COL19A1: variants seen among roughly 807,000 people sequenced by gnomAD.
COL19A1 encodes collagen type XIX alpha 1 chain, also known as collagen alpha-1(XIX) chain.
COL19A1 carries 159 observed loss-of-function variants against 190.2 expected under a neutral mutation model. That is an observed-to-expected ratio of 0.84 (90% confidence interval 0.73 to 0.95). COL19A1 has a LOEUF of 0.95. Ranked by LOEUF, COL19A1 falls within the 40% of genes least tolerant of loss-of-function variation. COL19A1 has a pLI of 0.00. For synonymous variants in COL19A1, 509 were observed against 458.9 expected, an observed-to-expected ratio of 1.11 and a Z score of -1.39; for missense variants, 1,418 against 1,431.9, an observed-to-expected ratio of 0.99 and a Z score of 0.16.
Position 69,986,221 on chromosome 6 carries a change from T to TTATATATATATA in COL19A1, c.1026+23372_1026+23383dup, listed in dbSNP as rs57648174. 9.4e-5 allele frequency among the ~76,000 whole-genome samples: 13 copies of TTATATATATATA among 138,282 alleles called. No individual in the cohort carries two copies. In the South Asian group the frequency reaches 1.9e-3, roughly 20 times the overall value. 90.7% of individuals were successfully genotyped at this position (138,282 alleles called of 152,430 possible). A position where few individuals can be genotyped will look rare whatever the true frequency, so the allele number is the denominator to read the frequency against. On this transcript the variant is annotated intron_variant, in intron 11 of 50. Coordinates refer to ENST00000620364, the MANE Select transcript of COL19A1 (RefSeq NM_001858.6). ...TAAAATGTTAAATGACTTACACGTT[T>TTATATATATATA]TATATATATATATATATATATATAT... is the stretch of plus-strand genomic sequence containing the variant.
intron 1 of COL19A1, among the ~76,000 whole-genome samples, chr6:69,867,197 G>T (rs1196672864): frequency 3.3e-5 from 5 of 152,092 alleles, no homozygotes; most frequent in Non-Finnish European, 5.9e-5. Flanking sequence ...CTCCGGCCCG[G>T]GGTTACCTAC....
At chr6:70,033,134 T>G (rs1247491840) in intron 12 of COL19A1, among the ~76,000 whole-genome samples, 1 of 152,158 alleles carries the variant, frequency 6.6e-6, no homozygotes, top group Non-Finnish European at 1.5e-5. Context: ...TAGGTATTGT[T>G]TTCATCCATT....
chr6:70,078,188 G>A (rs1782008648), intron 15 of COL19A1, among the ~76,000 whole-genome samples: 1 of 152,154 alleles, frequency 6.6e-6, no homozygotes, highest in African/African-American at 2.4e-5. Flanking sequence ...ACTGAGTGAG[G>A]CAACTGCATT....
intron 46 of COL19A1, among the ~76,000 whole-genome samples, chr6:70,187,137 C>G (rs1490442190): frequency 6.6e-6 from 1 of 152,192 alleles, no homozygotes; most frequent in East Asian, 1.9e-4. Flanking sequence ...ACCTCGGCCT[C>G]CCAAAGTGCT....
At chr6:70,178,438 T>G (rs1765951292) in intron 42 of COL19A1, among the ~76,000 whole-genome samples, 1 of 152,042 alleles carries the variant, frequency 6.6e-6, no homozygotes, top group African/African-American at 2.4e-5. Context: ...GGTAAAAAAT[T>G]TACATACTAC....
intron 9 of COL19A1, among the ~76,000 whole-genome samples, chr6:69,951,152 T>A (rs990075888): frequency 1.8e-4 from 27 of 151,946 alleles, no homozygotes; most frequent in Non-Finnish European, 2.9e-5. Context: ...ATTACTTTAC[T>A]ATGCTAATAT....
chr6:70,007,549 G>C (rs77431225), intron 11 of COL19A1, among the ~76,000 whole-genome samples: 13,717 of 151,994 alleles, frequency 0.09, 730 homozygotes, highest in East Asian at 0.21. Flanking sequence ...TATTGTGTAT[G>C]TACCTAACAG....
chr6:69,890,910 A>T (rs573969915), intron 2 of COL19A1: 1 of 165,094 alleles, frequency 6.1e-6, no homozygotes, highest in South Asian at 1.6e-4. Flanking sequence ...ATTAAGGATA[A>T]GGATGAAGAC....
chr6:69,896,295 T>C (rs1158937117), intron 2 of COL19A1, among the ~76,000 whole-genome samples: 2 of 151,152 alleles, frequency 1.3e-5, no homozygotes, highest in Non-Finnish European at 2.9e-5. Flanking sequence ...CCCAGCACTT[T>C]GGGAGGCCGA....
At chr6:70,043,254 C>T (rs1461671077) in intron 14 of COL19A1, among the ~76,000 whole-genome samples, 14 of 150,602 alleles carry the variant, frequency 9.3e-5, no homozygotes, top group Admixed American at 3.3e-4. Context: ...TGAAGTGGCG[C>T]GATCTCGGCT....
intron 36 of COL19A1, among the ~76,000 whole-genome samples, chr6:70,164,920 A>C (rs934967754): frequency 2.6e-5 from 4 of 152,228 alleles, no homozygotes; most frequent in Non-Finnish European, 2.9e-5. Flanking sequence ...TTTATTGATA[A>C]ACATGAACAA....
intron 10 of COL19A1, among the ~76,000 whole-genome samples, chr6:69,961,599 A>G (rs1774801604): frequency 6.6e-6 from 1 of 152,160 alleles, no homozygotes; most frequent in South Asian, 2.1e-4. Flanking sequence ...AAAAATATAG[A>G]CCATGCATTC....
intron 16 of COL19A1, among the ~76,000 whole-genome samples, chr6:70,116,699 T>A (rs1303868550): frequency 6.6e-6 from 1 of 152,226 alleles, no homozygotes; most frequent in Admixed American, 6.5e-5. Context: ...CTCTACTTTT[T>A]TACAAGCCAT....
chr6:70,156,494 G>GGAGA (rs151040381), intron 33 of COL19A1, 125 bp downstream of exon 33: 21 of 851,558 alleles, frequency 2.5e-5, no homozygotes, highest in East Asian at 6.2e-5. Context: ...GTATGTATAT[G>GGAGA]GAGAGAGAGA....
intron 36 of COL19A1, among the ~76,000 whole-genome samples, chr6:70,163,943 G>T (rs1787975818): frequency 1.3e-5 from 2 of 152,156 alleles, no homozygotes; most frequent in Admixed American, 6.5e-5. Flanking sequence ...GGGTGACCAA[G>T]CTCCCTTGGG....
At chr6:70,051,792 C>T (rs941436450) in intron 14 of COL19A1, among the ~76,000 whole-genome samples, 11 of 151,966 alleles carry the variant, frequency 7.2e-5, no homozygotes, top group Admixed American at 5.9e-4. Context: ...TATGAGTATA[C>T]CACTCCATTA....
intron 15 of COL19A1, among the ~76,000 whole-genome samples, chr6:70,091,069 T>C (rs1344462143): frequency 6.6e-6 from 1 of 152,184 alleles, no homozygotes; most frequent in Non-Finnish European, 1.5e-5. Context: ...TGTACTGCCT[T>C]ACCCTGCTTT....
At position 70,180,308 on chromosome 6, in the gene COL19A1, C is replaced by T; in HGVS notation, c.2668-4C>T. ...TAACATTTCTCTTCAATTTGCCTTGCCAGGGAAAACCTGGTGCCCCAGGGC... is the reference window on the plus strand; with the variant it reads ...TAACATTTCTCTTCAATTTGCCTTGTCAGGGAAAACCTGGTGCCCCAGGGC... On this transcript the variant is annotated splice_region_variant and splice_polypyrimidine_tract_variant and intron_variant, in intron 42 of 50. Transcript: ENST00000620364. The T allele has an allele frequency of 1.2e-6, 2 of 1,614,108 alleles. No homozygotes were observed.
chr6:69,978,454 A>G (rs915121174), intron 11 of COL19A1, among the ~76,000 whole-genome samples: 1 of 152,030 alleles, frequency 6.6e-6, no homozygotes, highest in Non-Finnish European at 1.5e-5. Flanking sequence ...TATAAAGAAT[A>G]ATAAAGAAAC....
Sources: allele counts gnomAD v4.1 joint callset (sites outside exome capture counted in the v4.1 genomes callset), GRCh38; gene constraint gnomAD v4.1.1; transcripts MANE v1.5; gene names NCBI Gene and HGNC (gene_info 2026-07-23, HGNC 2026-07-21).